KMT2C: variants seen among roughly 807,000 people sequenced by gnomAD.
KMT2C encodes lysine methyltransferase 2C.
A neutral mutation model predicts 507.9 loss-of-function variants in KMT2C; 88 were observed. The ratio of observed to expected loss-of-function variants is 0.17; its 90% CI spans 0.15 to 0.21. The LOEUF (loss-of-function observed/expected upper bound fraction) is 0.21, where lower values mean the gene tolerates loss of function less well. Ranked by LOEUF, KMT2C falls within the 10% of genes least tolerant of loss-of-function variation. The pLI, the probability that KMT2C is intolerant of heterozygous loss-of-function variation, is 1.00. For missense variants in KMT2C, 4,954 were observed against 5,957.8 expected, an observed-to-expected ratio of 0.83 and a Z score of 5.55; for synonymous variants, 2,049 against 2,080.8, an observed-to-expected ratio of 0.98 and a Z score of 0.42.
intron 4 of KMT2C, among the ~76,000 whole-genome samples, chr7:152,314,291 A>G (rs1214628502): frequency 6.6e-6 from 1 of 152,184 alleles, no homozygotes; most frequent in African/African-American, 2.4e-5. Flanking sequence ...TAAGCCAGAT[A>G]AGCACTTGAG....
chr7:152,417,859 G>T (rs897707276), intron 1 of KMT2C, among the ~76,000 whole-genome samples: 21 of 150,748 alleles, frequency 1.4e-4, no homozygotes, highest in Non-Finnish European at 7.4e-5. Context: ...AGCCAGGATG[G>T]TCTCAATCTC....
intron 7 of KMT2C, among the ~76,000 whole-genome samples, chr7:152,271,188 A>C (rs2095960282): frequency 6.6e-6 from 1 of 152,226 alleles, no homozygotes; most frequent in Non-Finnish European, 1.5e-5. Flanking sequence ...TATCATTTTA[A>C]AAGCATAAAA....
chr7:152,433,337 A>AT (rs1294651012), intron 1 of KMT2C, among the ~76,000 whole-genome samples: 1 of 152,264 alleles, frequency 6.6e-6, no homozygotes, highest in Non-Finnish European at 1.5e-5. Context: ...CTGGTTACAC[A>AT]TAAGTTTCAC....
intron 2 of KMT2C, among the ~76,000 whole-genome samples, chr7:152,351,906 G>A (rs1340684442): frequency 1.3e-5 from 2 of 152,128 alleles, no homozygotes; most frequent in African/African-American, 4.8e-5. Flanking sequence ...ATTGTTTGCA[G>A]AGCATGTGTG....
rs2129089130 is a variant in KMT2C, at chr7:152,138,770, G to A, written c.14643+26C>T. 7.3e-7 allele frequency: 1 copy of A among 1,365,292 alleles called. No homozygotes were observed. The highest frequency in any genetic ancestry group is 1.0e-6 in the Non-Finnish European group (1 of 973,634). 84.6% of individuals were successfully genotyped at this position (1,365,292 alleles called of 1,614,324 possible). On this transcript the variant is annotated intron_variant, in intron 58 of 58. Coordinates refer to ENST00000262189, the MANE Select transcript of KMT2C (RefSeq NM_170606.3). The surrounding 1 kb of genome is among the most constrained non-coding windows in gnomAD (Gnocchi z 4.2). ...ATTCGCCCAGGATCTGAACAACATG[G>A]CAGATGCAATCTCTCACACTCTTAC...
At chr7:152,158,494 G>A (rs998865294) in intron 44 of KMT2C, among the ~76,000 whole-genome samples, 21 of 150,338 alleles carry the variant, frequency 1.4e-4, no homozygotes, top group Admixed American at 2.6e-4. Context: ...TTGATCTCTC[G>A]TGTCCTTGAA....
At chr7:152,328,700 GCTA>G (rs2096853311) in intron 3 of KMT2C, among the ~76,000 whole-genome samples, 1 of 152,112 alleles carries the variant, frequency 6.6e-6, no homozygotes, top group African/African-American at 2.4e-5. Flanking sequence ...TGGTTAAAAG[GCTA>G]CTACAACTTC....
At chr7:152,277,253 T>TC (rs2096098144) in intron 6 of KMT2C, among the ~76,000 whole-genome samples, 1 of 152,190 alleles carries the variant, frequency 6.6e-6, no homozygotes, top group South Asian at 2.1e-4. Flanking sequence ...TTTTTAATCT[T>TC]CACCAGTCTT....
chr7:152,161,280 T>C (rs2092442041), intron 43 of KMT2C, among the ~76,000 whole-genome samples: 3 of 152,188 alleles, frequency 2.0e-5, no homozygotes, highest in Non-Finnish European at 4.4e-5. Context: ...ATGAGCTTCA[T>C]TAACAATCTT....
At chr7:152,247,068 G>A (rs953133791) in intron 14 of KMT2C, among the ~76,000 whole-genome samples, 1 of 152,056 alleles carries the variant, frequency 6.6e-6, no homozygotes, top group African/African-American at 2.4e-5. Context: ...AACTTAACTT[G>A]AAGCAATTTC....
rs1187631044 is a variant in KMT2C, at chr7:152,163,750, G to C, written c.9827C>G (p.Ala3276Gly). 1.9e-6 allele frequency: 3 copies of C among 1,614,052 alleles called. No homozygotes were observed. Among genetic ancestry groups the C allele is most frequent in the Non-Finnish European group, 2.5e-6 (3 of 1,180,034 alleles). ...GACACTGGGCATCATGGTAGGTGGGGCCATTGCACATTGCTGCTGCTGTTT... is the reference window on the plus strand; with the variant it reads ...GACACTGGGCATCATGGTAGGTGGGCCCATTGCACATTGCTGCTGCTGTTT... The part of the protein sequence containing the change: ...RIKQQQQCAM[A>G]PPTMMPSVQP... Residue 3276 changes from alanine (A) to glycine (G), a missense_variant, in exon 43 of 59, where the codon GCC becomes GGC. Around this residue, in one of 29 missense-constraint regions of KMT2C, gnomAD observed 801 missense variants for 751.2 expected, o/e 1.07. Coordinates refer to ENST00000262189, the MANE Select transcript of KMT2C (RefSeq NM_170606.3).
intron 1 of KMT2C, among the ~76,000 whole-genome samples, chr7:152,417,937 C>CGGCCAAATGCTTATTTTTT (rs2097755636): frequency 7.6e-6 from 1 of 132,404 alleles, no homozygotes; most frequent in Non-Finnish European, 1.5e-5. Flanking sequence ...CCACCGCGCC[C>CGGCCAAATGCTTATTTTTT]ACCCTCTTTC....
chr7:152,390,218 AT>A (rs914152031), intron 1 of KMT2C, among the ~76,000 whole-genome samples: 106 of 28,988 alleles, frequency 3.7e-3, no homozygotes, highest in South Asian at 0.012. Flanking sequence ...AATAAAATAA[AT>A]TTTTTTTTAA....
intron 6 of KMT2C, among the ~76,000 whole-genome samples, chr7:152,297,051 A>AAGAAAGAAAGAAGGACAGACAGAC (rs1356233143): frequency 1.7e-5 from 1 of 60,240 alleles, no homozygotes; most frequent in African/African-American, 6.8e-5. Context: ...GAAAGAAAGA[A>AAGAAAGAAAGAAGGACAGACAGAC]AGACAGAGAG....
In KMT2C at chr7:152,286,826, C is replaced by T. The variant is rs4342504; in HGVS notation, c.850-12959G>A. On this transcript the variant is annotated intron_variant, in intron 6 of 58. Transcript: ENST00000262189. ...CAAGAAAAGTTGCTAGAGAAGCAGA[C>T]AACTCAGAAACACCAACAGGCACAC... Among the ~76,000 whole-genome samples, 4 of 151,686 alleles carry T rather than the reference C, an allele frequency of 2.6e-5. No individual in the cohort carries two copies. The South Asian group carries it at 8.3e-4, about 32-fold the overall frequency.
intron 6 of KMT2C, among the ~76,000 whole-genome samples, chr7:152,288,022 CAAAAAAAA>C (rs66951420): frequency 3.2e-5 from 1 of 31,664 alleles, no homozygotes; most frequent in African/African-American, 1.2e-4. Flanking sequence ...GAGTCTGCCT[CAAAAAAAA>C]AAAAAAAAAA....
chr7:152,164,745 T>C (rs939217455), intron 42 of KMT2C, among the ~76,000 whole-genome samples: 6 of 152,234 alleles, frequency 3.9e-5, no homozygotes, highest in Non-Finnish European at 2.9e-5. Context: ...GTATTTTGAA[T>C]AGTCTGTAAA....
At chr7:152,198,678 A>T (rs1230060546) in intron 27 of KMT2C, among the ~76,000 whole-genome samples, 1 of 152,164 alleles carries the variant, frequency 6.6e-6, no homozygotes, top group Non-Finnish European at 1.5e-5. Context: ...AATGGTTCTC[A>T]ACCGGGGGTG....
chr7:152,366,281 A>G (rs759861708), intron 1 of KMT2C, among the ~76,000 whole-genome samples: 1 of 152,208 alleles, frequency 6.6e-6, no homozygotes, highest in Non-Finnish European at 1.5e-5. Context: ...CTCCAAAGAG[A>G]TATTTATACA....
Sources: allele counts gnomAD v4.1 joint callset (sites outside exome capture counted in the v4.1 genomes callset), GRCh38; gene constraint gnomAD v4.1.1; regional missense constraint gnomAD v4.1.1; non-coding constraint Gnocchi (gnomAD v3.1); transcripts MANE v1.5; gene names NCBI Gene and HGNC (gene_info 2026-07-23, HGNC 2026-07-21).